IRF4: variants seen among roughly 807,000 people sequenced by gnomAD.
IRF4 encodes interferon regulatory factor 4.
A neutral mutation model predicts 55.5 loss-of-function variants in IRF4; 13 were observed. The ratio of observed to expected loss-of-function variants is 0.23; its 90% CI spans 0.15 to 0.37. The LOEUF (loss-of-function observed/expected upper bound fraction) is 0.37. Ranked by LOEUF, IRF4 falls within the 10% of genes least tolerant of loss-of-function variation. The probability of loss-of-function intolerance (pLI) is 1.00; values close to 1 mark genes in which losing one functional copy is unlikely to be tolerated. For missense variants in IRF4, 397 were observed against 593.8 expected (o/e 0.67, Z 3.44); for synonymous variants, 249 against 240.7 (o/e 1.03, Z -0.32).
chr6:406,140 G>T (rs1174375114), intron 8 of IRF4, among the ~76,000 whole-genome samples: 1 of 152,218 alleles, frequency 6.6e-6, no homozygotes, highest in Admixed American at 6.5e-5. Context: ...GTTCTCTCCA[G>T]TGATTGACTT....
intron 3 of IRF4, among the ~76,000 whole-genome samples, chr6:395,237 A>AGGG (rs1761221398): frequency 7.5e-6 from 1 of 133,066 alleles, no homozygotes; most frequent in African/African-American, 3.5e-5. Context: ...CTCAATGTAT[A>AGGG]TGGGGGGGGG....
Position 395,834 on chromosome 6 carries a change from C to T in IRF4, c.404-13C>T, listed in dbSNP as rs750263328. On this transcript the variant is annotated splice_polypyrimidine_tract_variant and intron_variant, in intron 3 of 8. Transcript: ENST00000380956. ...TTTACGTTGTGCCATTTCCCTTTTCCCCAAACATGTAGGAGCCAAGCAGCT... is the reference window on the plus strand; with the variant it reads ...TTTACGTTGTGCCATTTCCCTTTTCTCCAAACATGTAGGAGCCAAGCAGCT... 2 of 1,608,494 alleles carry T rather than the reference C, an allele frequency of 1.2e-6. No individual in the cohort carries two copies. The highest frequency in any genetic ancestry group is 1.3e-5 in the African/African-American group (1 of 74,782).
intron 4 of IRF4, among the ~76,000 whole-genome samples, chr6:396,233 A>G (rs1288522952): frequency 6.6e-6 from 1 of 152,254 alleles, no homozygotes; most frequent in Non-Finnish European, 1.5e-5. Context: ...GTGCCTTATC[A>G]TGTGAAACCA....
In IRF4 at chr6:405,310, G is replaced by A. The variant is rs898721006; in HGVS notation, c.1212+180G>A. The stretch of plus-strand genomic sequence containing the variant: ...CGAGCAGCACAGTCTGAGGACTCAC[G>A]TGCTCCTCCCAGACTTGAGATCTGC... On this transcript the variant is annotated intron_variant, in intron 8 of 8. Transcript: ENST00000380956. Among the ~76,000 whole-genome samples the A allele has an allele frequency of 1.2e-4, 19 of 152,336 alleles. 1 individual carries two copies. Among genetic ancestry groups the A allele is most frequent in the African/African-American group, 3.6e-4 (15 of 41,578 alleles).
rs1300628687 is a variant in IRF4 at position 410,287 on chromosome 6, A to T, written c.*2689A>T. On this transcript the variant is annotated 3_prime_UTR_variant, in exon 9 of 9. Coordinates refer to ENST00000380956, the MANE Select transcript of IRF4 (RefSeq NM_002460.4). ...CTTGTTCTTGAGATTTTGTATATTT[A>T]GGAAAACCTCAAGCAGTAATTAATA... 1 of 227,314 alleles carries T rather than the reference A, an allele frequency of 4.4e-6. No homozygotes were observed. Among genetic ancestry groups the T allele is most frequent in the African/African-American group, 2.2e-5 (1 of 45,060 alleles). The allele number at this position is 227,314 out of a possible 1,614,324, so 14.1% of individuals were successfully genotyped here.
At chr6:407,154 G>A (rs1209222550) in intron 8 of IRF4, among the ~76,000 whole-genome samples, 1 of 152,160 alleles carries the variant, frequency 6.6e-6, no homozygotes, top group Non-Finnish European at 1.5e-5. Context: ...CTTTTAATTT[G>A]ATCACTTTAC....
Position 395,946 on chromosome 6 carries a change from G to A in IRF4, c.492+11G>A. The A allele has an allele frequency of 6.2e-7, 1 of 1,605,662 alleles. No individual in the cohort carries two copies. Among genetic ancestry groups the A allele is most frequent in the Non-Finnish European group, 8.5e-7 (1 of 1,173,564 alleles). Reference sequence around the variant, plus strand: ...TCGCTCCCAGCCCAGGTATGGTGGAGGGCACTGGGCTCCCTGAGGGCGAGG... The same window carrying A: ...TCGCTCCCAGCCCAGGTATGGTGGAAGGCACTGGGCTCCCTGAGGGCGAGG... On this transcript the variant is annotated intron_variant, in intron 4 of 8. Coordinates refer to ENST00000380956, the MANE Select transcript of IRF4 (RefSeq NM_002460.4).
chr6:405,076 C>T lies in IRF4; in HGVS notation c.1158C>T (p.Cys386=). The change falls in exon 8 of 9, where the codon TGC becomes TGT. Residue 386 remains cysteine (C), a synonymous_variant. Transcript: ENST00000380956. ...RSLPRFQVTL[C]FGEEFPDPQR... ...TGCCAAGATTCCAGGTGACTCTATG[C>T]TTTGGAGAGGAGTTTCCAGACCCTC... 1 of 1,614,066 alleles carries T rather than the reference C, an allele frequency of 6.2e-7. No individual in the cohort carries two copies. The highest frequency in any genetic ancestry group is 8.5e-7 in the Non-Finnish European group (1 of 1,179,944).
intron 5 of IRF4, 95 bp downstream of exon 5, chr6:397,347 C>G: frequency 7.0e-7 from 1 of 1,434,400 alleles, no homozygotes; most frequent in Non-Finnish European, 9.6e-7. Flanking sequence ...AGCACCAAAG[C>G]TCTTTCCCCT....
At position 405,206 on chromosome 6, in the gene IRF4, C is replaced by T. The variant is rs1186201890; in HGVS notation, c.1212+76C>T. 4.9e-6 allele frequency: 4 copies of T among 817,106 alleles called. No homozygotes were observed. In the African/African-American group the frequency reaches 6.9e-5, roughly 14 times the overall value. 50.6% of individuals were successfully genotyped at this position (817,106 alleles called of 1,614,324 possible). A position where few individuals can be genotyped will look rare whatever the true frequency, so the allele number is the denominator to read the frequency against. ...GGCCAGAGTTTCATTTAGAAAAGTCCCAAATGAAAAGTAAATGTCAAATGA... is the reference window on the plus strand; with the variant it reads ...GGCCAGAGTTTCATTTAGAAAAGTCTCAAATGAAAAGTAAATGTCAAATGA... On this transcript the variant is annotated intron_variant, in intron 8 of 8. Transcript: ENST00000380956.
intron 6 of IRF4, among the ~76,000 whole-genome samples, chr6:400,003 G>C (rs1046461143): frequency 1.1e-4 from 16 of 152,092 alleles, no homozygotes; most frequent in Admixed American, 7.9e-4. Flanking sequence ...TTATATCTCG[G>C]CAACCTCGTG....
intron 6 of IRF4, among the ~76,000 whole-genome samples, chr6:400,748 CATAA>C (rs1177194089): frequency 2.0e-5 from 3 of 151,320 alleles, no homozygotes; most frequent in Non-Finnish European, 4.4e-5. Context: ...ATTATATAGA[CATAA>C]ATAATTAAGC....
intron 7 of IRF4, among the ~76,000 whole-genome samples, chr6:404,406 G>A (rs1377708805): frequency 6.7e-6 from 1 of 150,110 alleles, no homozygotes; most frequent in Non-Finnish European, 1.5e-5. Context: ...TCCATCCCTG[G>A]AGACAGGCAA....
At chr6:404,097 C>T (rs950173893) in intron 7 of IRF4, among the ~76,000 whole-genome samples, 4 of 152,134 alleles carry the variant, frequency 2.6e-5, no homozygotes, top group African/African-American at 7.2e-5. Context: ...GGGCCCGGCC[C>T]GAGGGTGTGT....
chr6:405,554 A>G lies in IRF4; in HGVS notation c.1212+424A>G, dbSNP rs985677756. 2.6e-5 allele frequency among the ~76,000 whole-genome samples: 4 copies of G among 152,208 alleles called. No homozygotes were observed. The East Asian group carries it at 5.8e-4, about 22-fold the overall frequency. ...AAAAGCTTTTCCCAAATGAGAAACT[A>G]TCCATTCCCTGGAGGCATTTTGTAG... On this transcript the variant is annotated intron_variant, in intron 8 of 8. Transcript: ENST00000380956.
In IRF4 at chr6:393,348, G is replaced by A; in HGVS notation, c.196G>A (p.Glu66Lys). ...GGGCAAGCAGGACTACAACCGCGAG[G>A]AGGACGCCGCGCTCTTCAAGGTCTC... Reference protein sequence around the residue: ...HAGKQDYNREEDAALFKAWAL... With the variant: ...HAGKQDYNREKDAALFKAWAL... The change falls in exon 2 of 9, where the codon GAG becomes AAG. Residue 66 changes from glutamate to lysine, a missense_variant. Glu to Lys is a moderately conservative substitution (Grantham distance 56). Around this residue, in one of 3 missense-constraint regions of IRF4, gnomAD observed 341 missense variants for 548.1 expected, o/e 0.62. Coordinates refer to ENST00000380956, the MANE Select transcript of IRF4 (RefSeq NM_002460.4). This position sits in a 1 kb window ranked among gnomAD's most constrained non-coding sequence, Gnocchi z 5.4. 1 of 1,602,364 alleles carries A rather than the reference G, an allele frequency of 6.2e-7. No individual in the cohort carries two copies.
chr6:404,991 T>C, intron 7 of IRF4, 27 bp from the exon 8 acceptor site: 2 of 1,431,046 alleles, frequency 1.4e-6, no homozygotes, highest in Non-Finnish European at 2.0e-6. Flanking sequence ...TTTCTGAACA[T>C]GGTCTCTTTC....
At chr6:400,280 G>A (rs1265095733) in intron 6 of IRF4, among the ~76,000 whole-genome samples, 1 of 152,056 alleles carries the variant, frequency 6.6e-6, no homozygotes, top group East Asian at 1.9e-4. Flanking sequence ...ATTGATTTTG[G>A]GGTTCCATAC....
intron 8 of IRF4, 27 bp from the exon 9 acceptor site, chr6:407,428 A>G (rs373929771): frequency 6.9e-6 from 11 of 1,588,000 alleles, no homozygotes; most frequent in Non-Finnish European, 9.4e-6. Context: ...TATCTCAGTA[A>G]TGTCTTTTTA....
Sources: gnomAD v4.1 joint callset for allele counts (sites outside exome capture counted in the v4.1 genomes callset) on GRCh38, gnomAD v4.1.1 for gene constraint, gnomAD v4.1.1 regional missense constraint, Gnocchi (gnomAD v3.1) non-coding constraint, MANE v1.5 for transcripts, NCBI Gene and HGNC (gene_info 2026-07-23, HGNC 2026-07-21) for gene names.